The following NEK1 variants were observed in gnomAD, a reference collection of about 807,000 sequenced individuals.
The protein encoded by NEK1 is serine/threonine-protein kinase Nek1.
Under a neutral mutation model 182.1 loss-of-function variants are expected in NEK1, and 137 were observed. The observed-to-expected ratio is 0.75, with a 90% CI of 0.65 to 0.87. The LOEUF is 0.87. NEK1 is among the 40% of genes least tolerant of loss of function. NEK1 has a pLI of 0.00. For missense variants in NEK1, 1,391 were observed against 1,494.4 expected, an observed-to-expected ratio of 0.93 and a Z score of 1.14; for synonymous variants, 513 against 492.2, an observed-to-expected ratio of 1.04 and a Z score of -0.56.
chr4:169,460,850 G>A (rs1011977615), intron 27 of NEK1, among the ~76,000 whole-genome samples: 35 of 151,970 alleles, frequency 2.3e-4, no homozygotes, highest in Admixed American at 2.3e-3. Flanking sequence ...CAGCCAAATC[G>A]ACCCTCACAA....
chr4:169,451,667 G>T (rs1260037345), intron 27 of NEK1, among the ~76,000 whole-genome samples: 4 of 152,132 alleles, frequency 2.6e-5, no homozygotes, highest in African/African-American at 9.7e-5. Flanking sequence ...AGCACTAAAT[G>T]CCCACAAGAG....
intron 23 of NEK1, among the ~76,000 whole-genome samples, chr4:169,482,759 C>A (rs1188122068): frequency 6.6e-6 from 1 of 152,056 alleles, no homozygotes; most frequent in Admixed American, 6.6e-5. Context: ...GCCTCAGCCT[C>A]CTGAGTAGCT....
intron 18 of NEK1, chr4:169,554,422 A>G (rs1319959013): frequency 6.6e-6 from 1 of 151,360 alleles, no homozygotes; most frequent in Non-Finnish European, 1.5e-5. Flanking sequence ...TGTCTCAAAA[A>G]AAAAAATTAC....
At chr4:169,483,203 G>A (rs1214759664) in intron 23 of NEK1, among the ~76,000 whole-genome samples, 1 of 152,138 alleles carries the variant, frequency 6.6e-6, no homozygotes, top group Non-Finnish European at 1.5e-5. Context: ...CCAGTCAGTG[G>A]AGCAATTAGA....
chr4:169,521,616 T>A (rs73864705), intron 19 of NEK1, among the ~76,000 whole-genome samples: 1,677 of 152,368 alleles, frequency 0.011, 37 homozygotes, highest in African/African-American at 0.038. Flanking sequence ...TTTGCTCTAT[T>A]ACAAACAAAT....
At chr4:169,515,604 A>C (rs1251860917) in intron 19 of NEK1, among the ~76,000 whole-genome samples, 1 of 124,804 alleles carries the variant, frequency 8.0e-6, no homozygotes, top group African/African-American at 3.0e-5. Context: ...TGCACCCACT[A>C]ATGTGTCATC....
At chr4:169,607,653 T>C (rs56366216) in intron 2 of NEK1, among the ~76,000 whole-genome samples, 14,244 of 151,818 alleles carry the variant, frequency 0.094, 884 homozygotes, top group African/African-American at 0.17. Flanking sequence ...TTAGTAGAGA[T>C]GGGGTTTCAC....
intron 9 of NEK1, among the ~76,000 whole-genome samples, chr4:169,586,723 A>C (rs1767600968): frequency 6.6e-6 from 1 of 152,076 alleles, no homozygotes; most frequent in African/African-American, 2.4e-5. Flanking sequence ...AGAAAGAAAA[A>C]AAAAACTAAG....
intron 19 of NEK1, among the ~76,000 whole-genome samples, chr4:169,514,950 T>G (rs189535104): frequency 4.7e-4 from 72 of 152,288 alleles, no homozygotes; most frequent in African/African-American, 1.7e-3. Flanking sequence ...GAGACATTTC[T>G]TCTACTGTCT....
intron 10 of NEK1, among the ~76,000 whole-genome samples, chr4:169,584,337 C>T (rs1313308613): frequency 1.3e-5 from 2 of 151,998 alleles, no homozygotes; most frequent in African/African-American, 2.4e-5. Context: ...ATAGGCCAGG[C>T]GTGGTGGCTC....
At chr4:169,533,796 G>A (rs1477169210) in intron 19 of NEK1, among the ~76,000 whole-genome samples, 2 of 152,146 alleles carry the variant, frequency 1.3e-5, no homozygotes, top group Non-Finnish European at 2.9e-5. Flanking sequence ...AGTCTAATAG[G>A]AGTCCTCTTG....
chr4:169,499,307 T>A (rs1751979627), intron 23 of NEK1, among the ~76,000 whole-genome samples: 1 of 83,382 alleles, frequency 1.2e-5, no homozygotes, highest in Admixed American at 9.5e-5. Context: ...TTCATCTAAT[T>A]TTTTTTTCAA....
chr4:169,426,010 T>C (rs1172616705), intron 30 of NEK1, 136 bp downstream of exon 30: 3 of 649,164 alleles, frequency 4.6e-6, no homozygotes, highest in Non-Finnish European at 5.3e-6. Flanking sequence ...GTGCTATGCC[T>C]ATTATATTTT....
chr4:169,400,121 T>G (rs1383676973), intron 35 of NEK1, 104 bp downstream of exon 35: 1 of 1,102,716 alleles, frequency 9.1e-7, no homozygotes, highest in Admixed American at 2.0e-5. Context: ...AGTTCCCAAG[T>G]AGATTTCACA....
chr4:169,522,295 G>T (rs762201280), intron 19 of NEK1, among the ~76,000 whole-genome samples: 9 of 152,152 alleles, frequency 5.9e-5, no homozygotes, highest in Non-Finnish European at 1.0e-4. Context: ...ATAATTGATT[G>T]TTGAAGCATT....
At chr4:169,562,382 T>C (rs1472710804) in intron 12 of NEK1, among the ~76,000 whole-genome samples, 186 bp from the exon 13 acceptor site, 1 of 152,038 alleles carries the variant, frequency 6.6e-6, no homozygotes, top group Non-Finnish European at 1.5e-5. Flanking sequence ...AGAGAAACAT[T>C]AGATTCAAAG....
chr4:169,599,813 G>C (rs1019404574), intron 4 of NEK1, among the ~76,000 whole-genome samples: 1 of 151,944 alleles, frequency 6.6e-6, no homozygotes, highest in Non-Finnish European at 1.5e-5. Flanking sequence ...TTTATGTCTC[G>C]GTCCACAAAG....
chr4:169,496,112 C>T (rs1233032823), intron 23 of NEK1, among the ~76,000 whole-genome samples: 1 of 152,134 alleles, frequency 6.6e-6, no homozygotes, highest in Non-Finnish European at 1.5e-5. Context: ...TTGAAGAGGT[C>T]CTTCACGTCC....
At chr4:169,432,914 T>G (rs891904143) in intron 29 of NEK1, among the ~76,000 whole-genome samples, 1 of 152,134 alleles carries the variant, frequency 6.6e-6, no homozygotes, top group Non-Finnish European at 1.5e-5. Context: ...CCTGGGATTA[T>G]AGGCACCCGC....
Sources: gnomAD v4.1 joint callset for allele counts (sites outside exome capture counted in the v4.1 genomes callset) on GRCh38, gnomAD v4.1.1 for gene constraint, MANE v1.5 for transcripts, NCBI Gene and HGNC (gene_info 2026-07-23, HGNC 2026-07-21) for gene names.